Variants in RAB38 observed in about 807,000 individuals in gnomAD.
RAB38 encodes RAB38, member RAS oncogene family.
A neutral mutation model predicts 18.4 loss-of-function variants in RAB38; 15 were observed. The ratio of observed to expected loss-of-function variants is 0.82; its 90% CI spans 0.55 to 1.26. RAB38 has a LOEUF of 1.26. RAB38 is among the 50% of genes most tolerant of loss of function. RAB38 has a pLI of 0.00. For synonymous variants in RAB38, 101 were observed against 104.4 expected (o/e 0.97, Z 0.20); for missense variants, 294 against 267.4 (o/e 1.10, Z -0.69).
the RAB38 span, among the ~76,000 whole-genome samples, chr11:87,878,816 G>A: frequency 6.6e-6 from 1 of 151,678 alleles, no homozygotes; most frequent in Admixed American, 6.6e-5. Context: ...ATCCTGTGGA[G>A]AGAAAAATGT....
the RAB38 span, among the ~76,000 whole-genome samples, chr11:88,076,002 T>G: frequency 6.8e-6 from 1 of 146,958 alleles, no homozygotes; most frequent in Non-Finnish European, 1.5e-5. Context: ...ATAGTAAATA[T>G]CAGAGAAAAA....
chr11:87,953,607 C>A, the RAB38 span, among the ~76,000 whole-genome samples: 1 of 152,040 alleles, frequency 6.6e-6, no homozygotes, highest in South Asian at 2.1e-4. Flanking sequence ...GTTATTGTGT[C>A]TAATTTATAA....
At chr11:87,835,994 C>G in the RAB38 span, among the ~76,000 whole-genome samples, 5 of 152,186 alleles carry the variant, frequency 3.3e-5, no homozygotes, top group African/African-American at 1.2e-4. Context: ...CCAAATACAG[C>G]TTTTAACCTA....
chr11:87,952,934 A>AAGTATTTTTCATGTTTTAAATGTTTT, the RAB38 span, among the ~76,000 whole-genome samples: 1 of 152,026 alleles, frequency 6.6e-6, no homozygotes, highest in South Asian at 2.1e-4. Context: ...TATAGACAAT[A>AAGTATTTTTCATGTTTTAAATGTTTT]AGTATTTTTC....
chr11:88,108,974 T>C (rs1942438799), downstream of RAB38, among the ~76,000 whole-genome samples: 1 of 152,232 alleles, frequency 6.6e-6, no homozygotes, highest in Non-Finnish European at 1.5e-5. Context: ...CCCTACTCTC[T>C]TCTGGCTTGT....
the RAB38 span, among the ~76,000 whole-genome samples, chr11:88,011,164 G>T: frequency 6.6e-6 from 1 of 152,238 alleles, no homozygotes; most frequent in Non-Finnish European, 1.5e-5. Context: ...GTGTATGACA[G>T]ATATAGTTCC....
the RAB38 span, among the ~76,000 whole-genome samples, chr11:87,953,437 TTCTAAGGTTTTAGC>T: frequency 1.2e-4 from 18 of 152,190 alleles, no homozygotes; most frequent in African/African-American, 4.3e-4. Context: ...CAGTTTCACT[TTCTAAGGTTTTAGC>T]TACTTATATT....
chr11:87,944,157 TATTA>T, the RAB38 span, among the ~76,000 whole-genome samples: 1 of 152,270 alleles, frequency 6.6e-6, no homozygotes, highest in African/African-American at 2.4e-5. Flanking sequence ...AACATAGATA[TATTA>T]ATTAAAAAGT....
intron 1 of RAB38, among the ~76,000 whole-genome samples, chr11:88,168,553 A>G (rs748582524): frequency 1.3e-5 from 2 of 152,198 alleles, no homozygotes; most frequent in Admixed American, 6.6e-5. Flanking sequence ...AAAGTCCGTA[A>G]GAGCAAAGAT....
chr11:87,964,431 A>G, the RAB38 span, among the ~76,000 whole-genome samples: 1 of 152,082 alleles, frequency 6.6e-6, no homozygotes, highest in Non-Finnish European at 1.5e-5. Flanking sequence ...CTAGGCTTGA[A>G]ACTGGTAGGC....
At chr11:88,033,017 C>T in the RAB38 span, among the ~76,000 whole-genome samples, 1 of 152,030 alleles carries the variant, frequency 6.6e-6, no homozygotes, top group Non-Finnish European at 1.5e-5. Context: ...GAAAATGTGG[C>T]ACATATACAC....
chr11:87,810,929 G>C, the RAB38 span, among the ~76,000 whole-genome samples: 1 of 152,122 alleles, frequency 6.6e-6, no homozygotes, highest in African/African-American at 2.4e-5. Context: ...AAGAGATTGA[G>C]GCGAGTTTCA....
the RAB38 span, among the ~76,000 whole-genome samples, chr11:87,887,185 T>C: frequency 6.6e-6 from 1 of 151,968 alleles, no homozygotes; most frequent in South Asian, 2.1e-4. Context: ...AGAGGCTAAG[T>C]AACTTTTCCA....
intron 1 of RAB38, among the ~76,000 whole-genome samples, chr11:88,163,667 T>G (rs1004272234): frequency 1.3e-4 from 20 of 152,192 alleles, no homozygotes; most frequent in Non-Finnish European, 7.4e-5. Flanking sequence ...TTATTGTTGT[T>G]CATAATTACC....
chr11:87,855,066 A>C, the RAB38 span, among the ~76,000 whole-genome samples: 1 of 152,134 alleles, frequency 6.6e-6, no homozygotes, highest in African/African-American at 2.4e-5. Flanking sequence ...AAGTGCTGGG[A>C]TTACAGGCAT....
the RAB38 span, among the ~76,000 whole-genome samples, chr11:88,092,709 T>A: frequency 6.6e-6 from 1 of 151,562 alleles, no homozygotes; most frequent in African/African-American, 2.4e-5. Context: ...AAACATATAT[T>A]TTCTAATATA....
the RAB38 span, among the ~76,000 whole-genome samples, chr11:88,057,875 A>ATTAACAGGGGAAAGTTTACCT: frequency 3.9e-5 from 6 of 151,960 alleles, no homozygotes; most frequent in Admixed American, 3.9e-4. Context: ...GACTTTCCCC[A>ATTAACAGGGGAAAGTTTACCT]TTAACAGGAG....
chr11:88,087,483 A>G, the RAB38 span, among the ~76,000 whole-genome samples: 2,077 of 152,060 alleles, frequency 0.014, 20 homozygotes, highest in Non-Finnish European at 0.019. Context: ...TGCCTAGGAA[A>G]GAATTCAAGG....
At chr11:87,821,607 T>C in the RAB38 span, among the ~76,000 whole-genome samples, 1 of 152,088 alleles carries the variant, frequency 6.6e-6, no homozygotes, top group Non-Finnish European at 1.5e-5. Flanking sequence ...CCTAGCACTT[T>C]GGGAGGCCGA....
Sources: allele counts gnomAD v4.1 joint callset (sites outside exome capture counted in the v4.1 genomes callset), GRCh38; gene constraint gnomAD v4.1.1; transcripts MANE v1.5; gene names NCBI Gene and HGNC (gene_info 2026-07-23, HGNC 2026-07-21).